ADRA1D: variants seen among roughly 807,000 people sequenced by gnomAD.
ADRA1D encodes adrenoceptor alpha 1D, also known as alpha-1D adrenergic receptor.
A neutral mutation model predicts 18.6 loss-of-function variants in ADRA1D; 22 were observed. The ratio of observed to expected loss-of-function variants is 1.19; its 90% CI spans 0.85 to 1.69. The LOEUF (loss-of-function observed/expected upper bound fraction) is 1.69. Ranked by LOEUF, ADRA1D falls within the 40% of genes most tolerant of loss-of-function variation. ADRA1D has a pLI of 0.00. For synonymous variants in ADRA1D, 376 were observed against 388.2 expected (o/e 0.97, Z 0.37); for missense variants, 840 against 840.7 (o/e 1.00, Z 0.01).
In ADRA1D at chr20:4,248,663, C is replaced by A; in HGVS notation, c.295G>T (p.Val99Leu). 6.2e-7 allele frequency: 1 copy of A among 1,605,750 alleles called. No homozygotes were observed. The highest frequency in any genetic ancestry group is 8.5e-7 in the Non-Finnish European group (1 of 1,176,858). The change falls in exon 1 of 2, where the codon GTG becomes TTG. Residue 99 changes from valine (V) to leucine (L), a missense_variant. Val to Leu is a conservative substitution (Grantham distance 32). Coordinates refer to ENST00000379453, the MANE Select transcript of ADRA1D (RefSeq NM_000678.4). Reference protein sequence around the residue: ...GLVVSAQGVGVGVFLAAFILM... With the variant: ...GLVVSAQGVGLGVFLAAFILM... ...ATGAAGGCTGCCAGGAAGACGCCCA[C>A]GCCCACGCCCTGCGCGCTCACCACC...
intron 1 of ADRA1D, among the ~76,000 whole-genome samples, chr20:4,241,140 G>C (rs940026544): frequency 6.6e-6 from 1 of 152,120 alleles, no homozygotes; most frequent in Non-Finnish European, 1.5e-5. Context: ...AGCGAAATAA[G>C]CCAGTCACAG....
rs369011199 is a variant in ADRA1D, at chr20:4,226,776, C to A, written c.1112-4646G>T. Among the ~76,000 whole-genome samples, 46 of 152,342 alleles carry A rather than the reference C, an allele frequency of 3.0e-4. No individual in the cohort carries two copies. The South Asian group carries it at 8.7e-3, about 29-fold the overall frequency. ...ACAACTTTGTTTTATGTGTTCTCTGCCCACTGCATGCAGACATGTTGCCTG... is the reference window on the plus strand; with the variant it reads ...ACAACTTTGTTTTATGTGTTCTCTGACCACTGCATGCAGACATGTTGCCTG... On this transcript the variant is annotated intron_variant, in intron 1 of 1. Transcript: ENST00000379453.
Position 4,248,202 on chromosome 20 carries a change from CG to C in ADRA1D, c.755del (p.Ala252GlyfsTer126). The C allele has an allele frequency of 6.3e-7, 1 of 1,591,354 alleles. No individual in the cohort carries two copies. Among genetic ancestry groups the C allele is most frequent in the Non-Finnish European group, 8.6e-7 (1 of 1,169,156 alleles). On this transcript the variant is annotated frameshift_variant, in exon 1 of 2. Coordinates refer to ENST00000379453, the MANE Select transcript of ADRA1D (RefSeq NM_000678.4). LOFTEE classifies it high-confidence loss of function. ...ACACGGAGGAGAAGACAGCGTAGCC[CG>C]CCTCCTCGGTGATACCGCAGAAGCG... ...DERFCGITEE[A>X]GYAVFSSVCS...
At position 4,248,196 on chromosome 20, in the gene ADRA1D, G is replaced by A. The variant is rs1481491178; in HGVS notation, c.762C>T (p.Tyr254=). The A allele has an allele frequency of 1.9e-6, 3 of 1,588,986 alleles. No homozygotes were observed. The highest frequency in any genetic ancestry group is 1.1e-5 in the South Asian group (1 of 87,464). ...RFCGITEEAG[Y]AVFSSVCSFY... ...AGGAGCACACGGAGGAGAAGACAGC[G>A]TAGCCCGCCTCCTCGGTGATACCGC... is the stretch of plus-strand genomic sequence containing the variant. Residue 254 remains tyrosine, a synonymous_variant, in exon 1 of 2, where the codon TAC becomes TAT. Transcript: ENST00000379453.
chr20:4,243,234 A>C (rs1466866680), intron 1 of ADRA1D, among the ~76,000 whole-genome samples: 2 of 152,028 alleles, frequency 1.3e-5, no homozygotes, highest in African/African-American at 4.8e-5. Context: ...TGTCCCAACG[A>C]CGCAGCCCCG....
In ADRA1D at chr20:4,248,417, T is replaced by G; in HGVS notation, c.541A>C (p.Thr181Pro). ...GTGCAGAGGCTGAGGATGGAGGCCG[T>G]GCAGCACAGCACGTCCACGGCGGCC... is the stretch of plus-strand genomic sequence containing the variant. ...VWAAVDVLCC[T>P]ASILSLCTIS... The change falls in exon 1 of 2, where the codon ACG (threonine) becomes CCG (proline). Residue 181 changes from threonine to proline, a missense_variant. Coordinates refer to ENST00000379453, the MANE Select transcript of ADRA1D (RefSeq NM_000678.4). The G allele has an allele frequency of 6.2e-7, 1 of 1,610,512 alleles. No homozygotes were observed. Among genetic ancestry groups the G allele is most frequent in the Non-Finnish European group, 8.5e-7 (1 of 1,178,612 alleles).
intron 1 of ADRA1D, among the ~76,000 whole-genome samples, chr20:4,247,109 G>T (rs1294412593): frequency 6.6e-6 from 1 of 152,228 alleles, no homozygotes; most frequent in Non-Finnish European, 1.5e-5. Flanking sequence ...GGCCTCTGAA[G>T]ACAGCTGCCT....
At chr20:4,223,021 C>T (rs1980710517) in intron 1 of ADRA1D, among the ~76,000 whole-genome samples, 1 of 151,836 alleles carries the variant, frequency 6.6e-6, no homozygotes, top group Non-Finnish European at 1.5e-5. Context: ...TCAGTTGTTG[C>T]AGATGTTTTG....
Position 4,248,812 on chromosome 20 carries a change from C to G in ADRA1D, c.146G>C (p.Gly49Ala), listed in dbSNP as rs993182978. The G allele has an allele frequency of 1.9e-6, 2 of 1,072,944 alleles. No individual in the cohort carries two copies. Among genetic ancestry groups the G allele is most frequent in the South Asian group, 8.7e-5 (2 of 22,894 alleles). The allele number at this position is 1,072,944 out of a possible 1,614,324, so 66.5% of individuals were successfully genotyped here. The part of the protein sequence containing the change: ...EGPAVGGVPG[G>A]AGGGGGVVGA... ...CACCACGCCGCCGCCGCCGCCCGCG[C>G]CCCCCGGCACGCCGCCCACCGCCGG... The change falls in exon 1 of 2, where the codon GGC (glycine) becomes GCC (alanine). Residue 49 changes from glycine to alanine, a missense_variant. Coordinates refer to ENST00000379453, the MANE Select transcript of ADRA1D (RefSeq NM_000678.4).
At position 4,221,407 on chromosome 20, in the gene ADRA1D, G is replaced by C. The variant is rs1980655990; in HGVS notation, c.*116C>G. ...TCCTCAGGGATGTCACAGAGCAGCT[G>C]CCCTGATCAGTTTCCGGGTCTCCGA... On this transcript the variant is annotated 3_prime_UTR_variant, in exon 2 of 2. Transcript: ENST00000379453. 13 of 1,141,452 alleles carry C rather than the reference G, an allele frequency of 1.1e-5. No homozygotes were observed. The highest frequency in any genetic ancestry group is 1.6e-5 in the African/African-American group (1 of 63,876). The allele number at this position is 1,141,452 out of a possible 1,614,324, so 70.7% of individuals were successfully genotyped here.
Position 4,248,644 on chromosome 20 carries a change from G to T in ADRA1D, c.314C>A (p.Ala105Asp). ...QGVGVGVFLAAFILMAVAGNL... is the reference protein window; with the variant it reads ...QGVGVGVFLADFILMAVAGNL... ...ACCTGCCACGGCCATAAGGATGAAG[G>T]CTGCCAGGAAGACGCCCACGCCCAC... is the stretch of plus-strand genomic sequence containing the variant. Residue 105 changes from alanine to aspartate, a missense_variant, in exon 1 of 2, where the codon GCC (alanine) becomes GAC (aspartate). Ala to Asp is a moderately radical substitution (Grantham distance 126, BLOSUM62 -2). Transcript: ENST00000379453. 6.2e-7 allele frequency: 1 copy of T among 1,612,056 alleles called. No homozygotes were observed.
Position 4,248,303 on chromosome 20 carries a change from G to C in ADRA1D, c.655C>G (p.Leu219Val). 1 of 1,607,532 alleles carries C rather than the reference G, an allele frequency of 6.2e-7. No homozygotes were observed. The highest frequency in any genetic ancestry group is 8.5e-7 in the Non-Finnish European group (1 of 1,177,268). ...TERKAAAILA[L>V]LWVVALVVSV... ...ACCACCAGGGCTACGACCCAGAGCA[G>C]GGCCAGGATGGCGGCCGCCTTGCGC... The change falls in exon 1 of 2, where the codon CTG becomes GTG. Residue 219 changes from leucine (L) to valine (V), a missense_variant. By Grantham distance (32) the Leu-to-Val change is conservative (BLOSUM62 1). Transcript: ENST00000379453.
Position 4,222,071 on chromosome 20 carries a change from C to G in ADRA1D, c.1171G>C (p.Gly391Arg). 1 of 1,612,924 alleles carries G rather than the reference C, an allele frequency of 6.2e-7. No homozygotes were observed. Residue 391 changes from glycine to arginine, a missense_variant, in exon 2 of 2, where the codon GGC becomes CGC. Physicochemically the swap from Gly to Arg is moderately radical, Grantham distance 125. Transcript: ENST00000379453. The surrounding 1 kb of genome is among the most constrained non-coding windows in gnomAD (Gnocchi z 4.3). ...EGVFKVIFWL[G>R]YFNSCVNPLI... The stretch of plus-strand genomic sequence containing the variant: ...GGGTTCACGCAGCTGTTGAAGTAGC[C>G]GAGCCAGAAGATGACCTTGAAGACG...
intron 1 of ADRA1D, among the ~76,000 whole-genome samples, chr20:4,241,538 G>A (rs942392730): frequency 3.3e-5 from 5 of 152,130 alleles, no homozygotes; most frequent in Non-Finnish European, 7.3e-5. Context: ...GGGTTCTACC[G>A]TTTCCTTCTT....
intron 1 of ADRA1D, among the ~76,000 whole-genome samples, chr20:4,231,045 T>TCTTTCTTTCTTTCTTCCTTC: frequency 9.4e-5 from 7 of 74,138 alleles, no homozygotes; most frequent in African/African-American, 4.0e-4. Flanking sequence ...TCTTTTTCTT[T>TCTTTCTTTCTTTCTTCCTTC]CTTTCTTTCT....
chr20:4,248,757 G>C lies in ADRA1D; in HGVS notation c.201C>G (p.Ser67Arg). Residue 67 changes from serine (S) to arginine (R), a missense_variant, in exon 1 of 2, where the codon AGC becomes AGG. By Grantham distance (110) the Ser-to-Arg change is moderately radical. Coordinates refer to ENST00000379453, the MANE Select transcript of ADRA1D (RefSeq NM_000678.4). The part of the protein sequence containing the change: ...VGAGSGEDNR[S>R]SAGEPGSAGA... ...CCGCGCTCCCCGGCTCCCCCGCGGA[G>C]CTCCGGTTGTCCTCGCCGCTGCCTG... 1 of 1,482,572 alleles carries C rather than the reference G, an allele frequency of 6.7e-7. No homozygotes were observed. Among genetic ancestry groups the C allele is most frequent in the Non-Finnish European group, 9.0e-7 (1 of 1,116,996 alleles). 91.8% of individuals were successfully genotyped at this position (1,482,572 alleles called of 1,614,324 possible). A position where few individuals can be genotyped will look rare whatever the true frequency, so the allele number is the denominator to read the frequency against.
intron 1 of ADRA1D, among the ~76,000 whole-genome samples, chr20:4,229,564 G>A (rs1448861319): frequency 6.6e-6 from 1 of 150,794 alleles, no homozygotes; most frequent in Non-Finnish European, 1.5e-5. Context: ...GTGGAGATCT[G>A]GGGAGGAACA....
intron 1 of ADRA1D, among the ~76,000 whole-genome samples, chr20:4,231,296 T>TA (rs1568764905): frequency 4.0e-5 from 6 of 148,568 alleles, no homozygotes; most frequent in East Asian, 2.0e-4. Context: ...TTATTATTAT[T>TA]TTTGTAAAGA....
chr20:4,248,676 C>G lies in ADRA1D; in HGVS notation c.282G>C (p.Ala94=), dbSNP rs1283603435. The G allele has an allele frequency of 6.3e-7, 1 of 1,596,330 alleles. No individual in the cohort carries two copies. Among genetic ancestry groups the G allele is most frequent in the African/African-American group, 1.3e-5 (1 of 74,478 alleles). ...TAAVGGLVVS[A]QGVGVGVFLA... ...GGAAGACGCCCACGCCCACGCCCTG[C>G]GCGCTCACCACCAGTCCCCCGACGG... Residue 94 remains alanine (A), a synonymous_variant, in exon 1 of 2, where the codon GCG becomes GCC. Coordinates refer to ENST00000379453, the MANE Select transcript of ADRA1D (RefSeq NM_000678.4).
Sources: allele counts gnomAD v4.1 joint callset (sites outside exome capture counted in the v4.1 genomes callset), GRCh38; gene constraint gnomAD v4.1.1; non-coding constraint Gnocchi (gnomAD v3.1); transcripts MANE v1.5; gene names NCBI Gene and HGNC (gene_info 2026-07-23, HGNC 2026-07-21).